GPC6: variants seen among roughly 807,000 people sequenced by gnomAD.
The protein encoded by GPC6 is glypican-6.
GPC6 carries 14 observed loss-of-function variants against 55.2 expected under a neutral mutation model. The ratio of observed to expected loss-of-function variants is 0.25; its 90% confidence interval spans 0.17 to 0.40. The LOEUF (loss-of-function observed/expected upper bound fraction) is 0.40, where lower values mean the gene tolerates loss of function less well. GPC6 is among the 10% of genes least tolerant of loss of function. The pLI is 1.00. For missense variants in GPC6, 641 were observed against 708.5 expected, an observed-to-expected ratio of 0.90 and a Z score of 1.08; for synonymous variants, 278 against 259.6, an observed-to-expected ratio of 1.07 and a Z score of -0.68.
intron 1 of GPC6, chr13:93,394,827 GAC>G (rs1199798878): frequency 6.8e-6 from 1 of 147,118 alleles, no homozygotes; most frequent in Non-Finnish European, 1.5e-5. Context: ...TATTTTAGAA[GAC>G]ACATATATTC....
intron 2 of GPC6, among the ~76,000 whole-genome samples, chr13:93,654,651 A>G (rs566709579): frequency 3.3e-5 from 5 of 152,108 alleles, no homozygotes; most frequent in Non-Finnish European, 7.3e-5. Context: ...AAAGTCTATG[A>G]TTTCTGTAGT....
At chr13:93,834,080 A>G (rs1887640913) in intron 3 of GPC6, among the ~76,000 whole-genome samples, 1 of 152,184 alleles carries the variant, frequency 6.6e-6, no homozygotes. Flanking sequence ...CACTTTAGAT[A>G]ATAATCTGAA....
chr13:93,631,725 G>C (rs1237310940), intron 2 of GPC6, among the ~76,000 whole-genome samples: 1 of 152,176 alleles, frequency 6.6e-6, no homozygotes, highest in Non-Finnish European at 1.5e-5. Flanking sequence ...TGTATCTGTA[G>C]TTATATACCA....
At chr13:93,795,387 C>T (rs1313074700) in intron 2 of GPC6, among the ~76,000 whole-genome samples, 1 of 152,186 alleles carries the variant, frequency 6.6e-6, no homozygotes, top group Non-Finnish European at 1.5e-5. Flanking sequence ...AATTTGTTCC[C>T]TCAACTGCTA....
chr13:94,034,646 G>A (rs918449659), intron 4 of GPC6, among the ~76,000 whole-genome samples: 1 of 151,904 alleles, frequency 6.6e-6, no homozygotes, highest in Non-Finnish European at 1.5e-5. Context: ...TTTCCTTTAC[G>A]CCCAATTCCA....
chr13:93,284,107 G>A (rs1387388720), intron 1 of GPC6, among the ~76,000 whole-genome samples: 1 of 152,168 alleles, frequency 6.6e-6, no homozygotes, highest in Non-Finnish European at 1.5e-5. Flanking sequence ...TCTTGCAGAT[G>A]GCAGATTAAA....
chr13:93,236,118 C>T (rs563741014), intron 1 of GPC6, among the ~76,000 whole-genome samples: 7 of 152,342 alleles, frequency 4.6e-5, no homozygotes, highest in African/African-American at 1.4e-4. Flanking sequence ...GAATTGCCTC[C>T]TATGCCTGTA....
intron 1 of GPC6, among the ~76,000 whole-genome samples, chr13:93,322,886 C>G (rs1879507511): frequency 6.6e-6 from 1 of 151,766 alleles, no homozygotes. Context: ...TTTGCTGCAC[C>G]CATCAACCCC....
At chr13:93,486,094 G>A (rs977710005) in intron 1 of GPC6, among the ~76,000 whole-genome samples, 1 of 152,202 alleles carries the variant, frequency 6.6e-6, no homozygotes, top group South Asian at 2.1e-4. Context: ...CCAAGAAAGA[G>A]AATTTCAAAA....
At chr13:94,248,744 C>T (rs1250396221) in intron 4 of GPC6, among the ~76,000 whole-genome samples, 2 of 152,046 alleles carry the variant, frequency 1.3e-5, no homozygotes, top group Admixed American at 6.6e-5. Flanking sequence ...GAAACATGCT[C>T]ACACACATCG....
At position 93,395,253 on chromosome 13, in the gene GPC6, C is replaced by A. The variant is rs1207559979; in HGVS notation, c.161-150010C>A. 6.6e-6 allele frequency: 3 copies of A among 455,814 alleles called. No homozygotes were observed. In the Middle Eastern group the frequency reaches 2.2e-3, roughly 332 times the overall value. The allele number at this position is 455,814 out of a possible 1,614,324, so 28.2% of individuals were successfully genotyped here. A position where few individuals can be genotyped will look rare whatever the true frequency, so the allele number is the denominator to read the frequency against. On this transcript the variant is annotated intron_variant, in intron 1 of 8. Transcript: ENST00000377047. ...TTCCCACCAGAACCACTTGCACAAC[C>A]ACCACTAAAGTTTCCAGAACCACTT...
chr13:94,127,102 A>G (rs1886847070), intron 4 of GPC6, among the ~76,000 whole-genome samples: 1 of 152,092 alleles, frequency 6.6e-6, no homozygotes, highest in Non-Finnish European at 1.5e-5. Flanking sequence ...TGAACTGAAC[A>G]TTGAAAATTC....
rs74429566 is a variant in GPC6, at chr13:93,550,858, C to G, written c.319+5437C>G. Reference sequence around the variant, plus strand: ...AGCCTACCATAGAGAAGGCACTTAACCAAGTATTGTTGTAGATTAAAAAAT... The same window carrying G: ...AGCCTACCATAGAGAAGGCACTTAAGCAAGTATTGTTGTAGATTAAAAAAT... On this transcript the variant is annotated intron_variant, in intron 2 of 8. Coordinates refer to ENST00000377047, the MANE Select transcript of GPC6 (RefSeq NM_005708.5). Among the ~76,000 whole-genome samples the G allele has an allele frequency of 1.7e-3, 262 of 152,166 alleles. 2 individuals are homozygous for G. The highest frequency in any genetic ancestry group is 5.8e-3 in the African/African-American group (240 of 41,522).
chr13:94,284,814 A>C (rs1051152646), intron 4 of GPC6, among the ~76,000 whole-genome samples: 3 of 152,000 alleles, frequency 2.0e-5, no homozygotes, highest in African/African-American at 7.2e-5. Context: ...ATTAATAAGA[A>C]CTACTGAAAT....
chr13:93,224,212 G>C (rs1379825363), upstream of GPC6, among the ~76,000 whole-genome samples: 74 of 80,850 alleles, frequency 9.2e-4, no homozygotes, highest in African/African-American at 3.6e-3. Flanking sequence ...TTTTTTTTTT[G>C]AGACGGAGTT....
chr13:94,033,676 C>A (rs1287517907), intron 4 of GPC6, among the ~76,000 whole-genome samples: 1 of 152,136 alleles, frequency 6.6e-6, no homozygotes, highest in Non-Finnish European at 1.5e-5. Context: ...ACAAGAAACT[C>A]TTTTAGTTAC....
intron 2 of GPC6, among the ~76,000 whole-genome samples, chr13:93,710,404 C>A (rs1393786474): frequency 6.6e-6 from 1 of 151,702 alleles, no homozygotes; most frequent in Non-Finnish European, 1.5e-5. Context: ...ATGTATTTTG[C>A]ATGTTCATCC....
chr13:93,528,387 T>C (rs1025559734), intron 1 of GPC6, among the ~76,000 whole-genome samples: 51 of 152,288 alleles, frequency 3.3e-4, no homozygotes, highest in African/African-American at 1.1e-3. Flanking sequence ...GTAGTTGGTT[T>C]GATTTATGCA....
chr13:93,993,796 A>G (rs1010882699), intron 3 of GPC6, among the ~76,000 whole-genome samples: 1 of 152,188 alleles, frequency 6.6e-6, no homozygotes, highest in Non-Finnish European at 1.5e-5. Flanking sequence ...CAATTTAGCC[A>G]TTACATGATT....
Sources: allele counts gnomAD v4.1 joint callset (sites outside exome capture counted in the v4.1 genomes callset), GRCh38; gene constraint gnomAD v4.1.1; transcripts MANE v1.5; gene names NCBI Gene and HGNC (gene_info 2026-07-23, HGNC 2026-07-21).